OSBPL1A: variants seen among roughly 807,000 people sequenced by gnomAD.
OSBPL1A encodes oxysterol binding protein like 1A.
In OSBPL1A, 80 loss-of-function variants were observed where a neutral mutation model predicts 137.1. The observed-to-expected ratio is 0.58, with a 90% CI of 0.49 to 0.70. The LOEUF (loss-of-function observed/expected upper bound fraction) is 0.70. OSBPL1A is among the 30% of genes least tolerant of loss of function. The pLI, the probability that OSBPL1A is intolerant of heterozygous loss-of-function variation, is 0.00. For missense variants in OSBPL1A, 970 were observed against 1,129.4 expected (o/e 0.86, Z 2.02); for synonymous variants, 365 against 389.7 (o/e 0.94, Z 0.75).
chr18:24,256,964 C>CAAAGAAAAA (rs2089292976), intron 15 of OSBPL1A, among the ~76,000 whole-genome samples: 1 of 29,498 alleles, frequency 3.4e-5, no homozygotes, highest in South Asian at 2.3e-3. Flanking sequence ...GAAGAGGATG[C>CAAAGAAAAA]AAAAAAAAAA....
At chr18:24,167,139 G>A (rs749334676) in intron 25 of OSBPL1A, among the ~76,000 whole-genome samples, 190 bp downstream of exon 25, 1 of 152,178 alleles carries the variant, frequency 6.6e-6, no homozygotes, top group Non-Finnish European at 1.5e-5. Context: ...GATGCCAGAG[G>A]GATGGACAGC....
intron 15 of OSBPL1A, among the ~76,000 whole-genome samples, chr18:24,248,994 C>T (rs150252942): frequency 6.6e-6 from 1 of 152,326 alleles, no homozygotes; most frequent in Non-Finnish European, 1.5e-5. Context: ...AAGTCGTGTT[C>T]ACTCCCACGG....
At chr18:24,314,097 TC>T in intron 12 of OSBPL1A, 151 bp downstream of exon 12, 1 of 492,174 alleles carries the variant, frequency 2.0e-6, no homozygotes. Context: ...AGAGTGAGAC[TC>T]TGTCTCAAAA....
intron 16 of OSBPL1A, among the ~76,000 whole-genome samples, chr18:24,230,538 G>C (rs528194232): frequency 6.6e-6 from 1 of 152,078 alleles, no homozygotes; most frequent in South Asian, 2.1e-4. Context: ...TTCTGGTCTG[G>C]TTAACTCTTA....
At chr18:24,322,185 C>G (rs1027786881) in intron 7 of OSBPL1A, among the ~76,000 whole-genome samples, 1 of 149,916 alleles carries the variant, frequency 6.7e-6, no homozygotes, top group Admixed American at 6.7e-5. Context: ...TCTCAGCTCA[C>G]TGCAAGCTCT....
At chr18:24,304,618 GA>G (rs1469613592) in intron 13 of OSBPL1A, among the ~76,000 whole-genome samples, 1 of 152,094 alleles carries the variant, frequency 6.6e-6, no homozygotes, top group Non-Finnish European at 1.5e-5. Context: ...TTAGCCTTAT[GA>G]AACTTCCCTA....
chr18:24,199,181 T>C (rs372957306), intron 17 of OSBPL1A, among the ~76,000 whole-genome samples: 20 of 151,836 alleles, frequency 1.3e-4, no homozygotes, highest in African/African-American at 3.4e-4. Flanking sequence ...TTAAAAGAAA[T>C]TGGAAGACCG....
chr18:24,258,932 T>A (rs2089366559), intron 15 of OSBPL1A, among the ~76,000 whole-genome samples: 1 of 144,686 alleles, frequency 6.9e-6, no homozygotes, highest in African/African-American at 2.5e-5. Context: ...CATCTTTTTT[T>A]TTTTTTTTTT....
At chr18:24,197,066 G>T (rs917261917) in intron 17 of OSBPL1A, among the ~76,000 whole-genome samples, 22 of 152,182 alleles carry the variant, frequency 1.4e-4, no homozygotes, top group Non-Finnish European at 3.2e-4. Flanking sequence ...TCCAGTTGCT[G>T]GCCGGGTGTG....
intron 16 of OSBPL1A, among the ~76,000 whole-genome samples, chr18:24,237,672 T>C (rs1292562927): frequency 6.6e-6 from 1 of 152,216 alleles, no homozygotes; most frequent in Non-Finnish European, 1.5e-5. Context: ...TCTTTTATAT[T>C]CCAAGCTCTA....
chr18:24,354,197 A>G (rs902684488), intron 4 of OSBPL1A, among the ~76,000 whole-genome samples: 9 of 152,172 alleles, frequency 5.9e-5, no homozygotes, highest in Admixed American at 5.9e-4. Flanking sequence ...AGTGGTAAAG[A>G]ACCACCTCAA....
In OSBPL1A at chr18:24,170,471, T is replaced by C; in HGVS notation, c.2292-18A>G. 1 of 1,613,744 alleles carries C rather than the reference T, an allele frequency of 6.2e-7. No homozygotes were observed. Among genetic ancestry groups the C allele is most frequent in the Non-Finnish European group, 8.5e-7 (1 of 1,179,946 alleles). On this transcript the variant is annotated intron_variant, in intron 23 of 27. Coordinates refer to ENST00000319481, the MANE Select transcript of OSBPL1A (RefSeq NM_080597.4). Reference sequence around the variant, plus strand: ...TCTTTTTGCTGTCAAGAAAAACTGATGTTTAGTTAACAAACCAGTGTTTGT... The same window carrying C: ...TCTTTTTGCTGTCAAGAAAAACTGACGTTTAGTTAACAAACCAGTGTTTGT...
chr18:24,390,694 C>CAAAA (rs751432894), intron 1 of OSBPL1A, among the ~76,000 whole-genome samples: 9 of 56,196 alleles, frequency 1.6e-4, no homozygotes, highest in African/African-American at 6.4e-4. Context: ...GACTCCGTCT[C>CAAAA]AAAAAAAAAA....
chr18:24,251,059 T>C (rs1567976155), intron 15 of OSBPL1A, among the ~76,000 whole-genome samples: 1 of 152,052 alleles, frequency 6.6e-6, no homozygotes. Flanking sequence ...AAGGACTTTA[T>C]ATTGGGGTTT....
At chr18:24,282,596 A>C (rs1278144536) in intron 14 of OSBPL1A, among the ~76,000 whole-genome samples, 1 of 152,240 alleles carries the variant, frequency 6.6e-6, no homozygotes, top group Non-Finnish European at 1.5e-5. Flanking sequence ...GAAGGTGCAA[A>C]GTGCATATAT....
At chr18:24,199,756 A>G (rs2087159341) in intron 17 of OSBPL1A, among the ~76,000 whole-genome samples, 2 of 152,202 alleles carry the variant, frequency 1.3e-5, no homozygotes, top group Admixed American at 1.3e-4. Flanking sequence ...AATGAATTCT[A>G]AAAATAGGAG....
At chr18:24,375,838 TATC>T (rs1461868939) in intron 2 of OSBPL1A, among the ~76,000 whole-genome samples, 1 of 152,088 alleles carries the variant, frequency 6.6e-6, no homozygotes, top group Non-Finnish European at 1.5e-5. Flanking sequence ...AAAAAAAAAT[TATC>T]ATAGTGTATC....
intron 4 of OSBPL1A, among the ~76,000 whole-genome samples, chr18:24,359,261 T>TG (rs1397930043): frequency 2.0e-5 from 3 of 149,358 alleles, no homozygotes; most frequent in East Asian, 2.1e-4. Flanking sequence ...AGAGATATGG[T>TG]GGGGGGCGGG....
At position 24,324,268 on chromosome 18, in the gene OSBPL1A, T is replaced by C. The variant is rs1052835413; in HGVS notation, c.626-5459A>G. 1.7e-3 allele frequency among the ~76,000 whole-genome samples: 109 copies of C among 64,760 alleles called. 29 individuals carry two copies. The highest frequency in any genetic ancestry group is 2.8e-3 in the Non-Finnish European group (91 of 32,222). 42.5% of individuals were successfully genotyped at this position (64,760 alleles called of 152,430 possible). A position where few individuals can be genotyped will look rare whatever the true frequency, so the allele number is the denominator to read the frequency against. ...TGCCTTTTGAATCCCAGAGAACCTG[T>C]TCTGGGCCAACAATGCACCACCAGG... On this transcript the variant is annotated intron_variant, in intron 7 of 27. Transcript: ENST00000319481.
Sources: gnomAD v4.1 joint callset for allele counts (sites outside exome capture counted in the v4.1 genomes callset) on GRCh38, gnomAD v4.1.1 for gene constraint, MANE v1.5 for transcripts, NCBI Gene and HGNC (gene_info 2026-07-23, HGNC 2026-07-21) for gene names.